NF1: variants seen among roughly 807,000 people sequenced by gnomAD.
NF1 encodes the protein neurofibromin 1, also known as neurofibromin.
Under a neutral mutation model 325.7 loss-of-function variants are expected in NF1, and 122 were observed. The observed-to-expected ratio is 0.37, with a 90% confidence interval of 0.32 to 0.44. The LOEUF (loss-of-function observed/expected upper bound fraction) is 0.44, where lower values mean the gene tolerates loss of function less well. NF1 is among the 20% of genes least tolerant of loss of function. The pLI, the probability that NF1 is intolerant of heterozygous loss-of-function variation, is 1.00. For missense variants in NF1, 2,140 were observed against 3,415.4 expected (o/e 0.63, Z 9.31); for synonymous variants, 1,091 against 1,186.0 (o/e 0.92, Z 1.65).
chr17:31,287,919 T>A (rs559050006), intron 36 of NF1, among the ~76,000 whole-genome samples: 1 of 96,148 alleles, frequency 1.0e-5, no homozygotes. Flanking sequence ...CATCACACTC[T>A]GGGGACTGTT....
intron 55 of NF1, 45 bp from the exon 56 acceptor site, chr17:31,358,922 TAA>T: frequency 1.3e-6 from 2 of 1,521,302 alleles, no homozygotes; most frequent in Non-Finnish European, 1.8e-6. Context: ...CTGTTACAAT[TAA>T]AAGATACCTT....
At chr17:31,373,554 T>A (rs1391359745) in intron 57 of NF1, among the ~76,000 whole-genome samples, 1 of 152,246 alleles carries the variant, frequency 6.6e-6, no homozygotes, top group East Asian at 1.9e-4. Flanking sequence ...AGTAAACATT[T>A]TAGCAATTGA....
At chr17:31,297,511 G>A (rs1829738052) in intron 36 of NF1, 2 of 152,106 alleles carry the variant, frequency 1.3e-5, no homozygotes, top group South Asian at 2.1e-4. Flanking sequence ...CTGAGATTGG[G>A]TTCCATATTT....
chr17:31,234,584 G>A (rs1399789243), intron 27 of NF1, among the ~76,000 whole-genome samples: 1 of 145,240 alleles, frequency 6.9e-6, no homozygotes, highest in Non-Finnish European at 1.5e-5. Flanking sequence ...GCTGAGGCAG[G>A]AGAATGGTGT....
At chr17:31,337,911 A>C (rs368327879) in intron 44 of NF1, 31 bp downstream of exon 44, 4 of 1,597,052 alleles carry the variant, frequency 2.5e-6, no homozygotes, top group Non-Finnish European at 3.4e-6. Flanking sequence ...AAGTTGTAAA[A>C]ATATGCATAT....
At chr17:31,358,135 A>G (rs2070316403) in intron 54 of NF1, 1 of 358,628 alleles carries the variant, frequency 2.8e-6, no homozygotes, top group Non-Finnish European at 5.3e-6. Flanking sequence ...AGTATACAAC[A>G]GATGGAAATA....
chr17:31,145,610 A>T (rs1916531204), intron 1 of NF1, among the ~76,000 whole-genome samples: 1 of 151,076 alleles, frequency 6.6e-6, no homozygotes, highest in Non-Finnish European at 1.5e-5. Flanking sequence ...CTTAATCTTG[A>T]TTTTTTTTTC....
chr17:31,187,449 G>A (rs527265150), intron 8 of NF1, among the ~76,000 whole-genome samples: 1 of 152,164 alleles, frequency 6.6e-6, no homozygotes, highest in East Asian at 1.9e-4. Flanking sequence ...GCCCCCCTCG[G>A]CCTCCCAAAG....
intron 5 of NF1, among the ~76,000 whole-genome samples, chr17:31,177,729 G>A (rs541285107): frequency 3.3e-5 from 5 of 151,878 alleles, no homozygotes; most frequent in Admixed American, 1.3e-4. Flanking sequence ...GCATACACAA[G>A]TATCAATAGC....
At chr17:31,350,902 G>T (rs1156677398) in intron 50 of NF1, among the ~76,000 whole-genome samples, 2 of 152,104 alleles carry the variant, frequency 1.3e-5, no homozygotes, top group East Asian at 1.9e-4. Flanking sequence ...ATATCTTTAA[G>T]GTTTAGGGAC....
chr17:31,330,214 C>A, intron 38 of NF1, 82 bp from the exon 39 acceptor site: 1 of 1,123,452 alleles, frequency 8.9e-7, no homozygotes, highest in Non-Finnish European at 1.4e-6. Flanking sequence ...GTAACAGAAT[C>A]ACAAATTGTA....
intron 36 of NF1, chr17:31,305,064 T>C (rs1225251936): frequency 2.0e-5 from 32 of 1,614,092 alleles, no homozygotes; most frequent in Non-Finnish European, 2.0e-5. Context: ...AGATAAATCC[T>C]GGTGTACTCC....
intron 36 of NF1, chr17:31,320,568 CAA>C (rs2069160000): frequency 1.5e-6 from 1 of 664,608 alleles, no homozygotes; most frequent in Non-Finnish European, 2.5e-6. Context: ...GTTATGCAAA[CAA>C]AAGTAGCATG....
intron 1 of NF1, among the ~76,000 whole-genome samples, chr17:31,153,172 T>C (rs563429310): frequency 3.5e-4 from 54 of 152,348 alleles, no homozygotes; most frequent in African/African-American, 1.3e-3. Flanking sequence ...AGAACTGTGC[T>C]GTCCAGTCAG....
At chr17:31,271,825 C>T in intron 36 of NF1, among the ~76,000 whole-genome samples, 1 of 152,036 alleles carries the variant, frequency 6.6e-6, no homozygotes, top group African/African-American at 2.4e-5. Context: ...CCTCTATCCC[C>T]TATCCCCTAT....
chr17:31,227,392 C>T, intron 19 of NF1, 101 bp downstream of exon 19: 1 of 1,452,530 alleles, frequency 6.9e-7, no homozygotes, highest in Non-Finnish European at 9.7e-7. Context: ...TGAAGTAAAT[C>T]CAAGATACGT....
chr17:31,241,327 A>G (rs2067292904), intron 29 of NF1, among the ~76,000 whole-genome samples: 1 of 151,656 alleles, frequency 6.6e-6, no homozygotes, highest in Non-Finnish European at 1.5e-5. Context: ...TTGATTGGAG[A>G]ATTTAGTCCA....
intron 8 of NF1, among the ~76,000 whole-genome samples, chr17:31,199,108 TTC>T (rs1442846784): frequency 6.6e-6 from 1 of 152,148 alleles, no homozygotes; most frequent in Non-Finnish European, 1.5e-5. Context: ...TTTTATTATT[TTC>T]TTTCTTCTGC....
chr17:31,304,585 G>A, intron 36 of NF1: 1 of 1,614,164 alleles, frequency 6.2e-7, no homozygotes, highest in South Asian at 1.1e-5. Context: ...CAGAAGGGGA[G>A]GTGGTGGAGG....
Sources: gnomAD v4.1 joint callset for allele counts (sites outside exome capture counted in the v4.1 genomes callset) on GRCh38, gnomAD v4.1.1 for gene constraint, MANE v1.5 for transcripts, NCBI Gene and HGNC (gene_info 2026-07-23, HGNC 2026-07-21) for gene names.